Variants in IL6R observed in about 807,000 individuals in gnomAD.
The protein encoded by IL6R is interleukin 6 receptor.
In IL6R, 38 loss-of-function variants were observed where a neutral mutation model predicts 48.3. That is an observed-to-expected ratio of 0.79 (90% CI 0.61 to 1.03). The LOEUF (loss-of-function observed/expected upper bound fraction) is 1.03. IL6R is among the 50% of genes least tolerant of loss of function. The pLI is 0.00. For synonymous variants in IL6R, 264 were observed against 256.2 expected (o/e 1.03, Z -0.29); for missense variants, 534 against 618.3 (o/e 0.86, Z 1.45).
Position 154,430,526 on chromosome 1 carries a change from C to T in IL6R, c.378C>T (p.Pro126=). The change falls in exon 3 of 10, where the codon CCC becomes CCT. Residue 126 remains proline (P), a synonymous_variant. Coordinates refer to ENST00000368485, the MANE Select transcript of IL6R (RefSeq NM_000565.4). ...EPQLSCFRKS[P]LSNVVCEWGP... is the part of the protein sequence containing the mutation. ...AGCTCTCCTGCTTCCGGAAGAGCCC[C>T]CTCAGCAATGTTGTTTGTGAGTGGG... 6.2e-7 allele frequency: 1 copy of T among 1,614,038 alleles called. No homozygotes were observed. Among genetic ancestry groups the T allele is most frequent in the Non-Finnish European group, 8.5e-7 (1 of 1,179,942 alleles).
chr1:154,414,832 T>C lies in IL6R; in HGVS notation c.85+9118T>C, dbSNP rs191885808. ...CTTCTGGGACAGCAGGAAGAGGAGATTGAGGCCCAAGAGCTGGTGCATGTA... is the reference window on the plus strand; with the variant it reads ...CTTCTGGGACAGCAGGAAGAGGAGACTGAGGCCCAAGAGCTGGTGCATGTA... On this transcript the variant is annotated intron_variant, in intron 1 of 9. Coordinates refer to ENST00000368485, the MANE Select transcript of IL6R (RefSeq NM_000565.4). The C allele has an allele frequency of 2.0e-4, 153 of 754,520 alleles. No homozygotes were observed. In the African/African-American group the frequency reaches 2.2e-3, roughly 11 times the overall value. 46.7% of individuals were successfully genotyped at this position (754,520 alleles called of 1,614,324 possible). A position where few individuals can be genotyped will look rare whatever the true frequency, so the allele number is the denominator to read the frequency against.
rs1220388798 is a variant in IL6R at position 154,465,334 on chromosome 1, G to A, written c.1361G>A (p.Arg454Gln). 2 of 1,614,174 alleles carry A rather than the reference G, an allele frequency of 1.2e-6. No homozygotes were observed. Among genetic ancestry groups the A allele is most frequent in the African/African-American group, 1.3e-5 (1 of 75,036 alleles). ...AACCGACCAGATGCCAGGGACCCACGGAGCCCTTATGACATCAGCAATACA... is the reference window on the plus strand; with the variant it reads ...AACCGACCAGATGCCAGGGACCCACAGAGCCCTTATGACATCAGCAATACA... ...SHNRPDARDP[R>Q]SPYDISNTDY... The change falls in exon 10 of 10, where the codon CGG (arginine) becomes CAG (glutamine). Residue 454 changes from arginine to glutamine, a missense_variant. Transcript: ENST00000368485.
chr1:154,463,018 G>A (rs1691357515), intron 9 of IL6R, among the ~76,000 whole-genome samples: 1 of 151,358 alleles, frequency 6.6e-6, no homozygotes, highest in Non-Finnish European at 1.5e-5. Flanking sequence ...TGGCCAGGCT[G>A]GTCTTGAACT....
At chr1:154,458,464 C>A (rs753220783) in intron 9 of IL6R, among the ~76,000 whole-genome samples, 4 of 152,194 alleles carry the variant, frequency 2.6e-5, no homozygotes, top group Non-Finnish European at 5.9e-5. Flanking sequence ...CCTAGGTATA[C>A]CCTCCTGTGT....
intron 6 of IL6R, among the ~76,000 whole-genome samples, chr1:154,447,512 T>C (rs1184850543): frequency 4.9e-4 from 59 of 121,282 alleles, no homozygotes; most frequent in African/African-American, 2.0e-3. Flanking sequence ...CATATATATA[T>C]ACACACATAC....
At chr1:154,420,337 T>G (rs1464903877) in intron 1 of IL6R, among the ~76,000 whole-genome samples, 1 of 151,828 alleles carries the variant, frequency 6.6e-6, no homozygotes, top group Non-Finnish European at 1.5e-5. Context: ...CAGGTCACAG[T>G]CTGAATCCTC....
At chr1:154,432,723 A>T (rs1454661366) in intron 3 of IL6R, among the ~76,000 whole-genome samples, 2 of 152,218 alleles carry the variant, frequency 1.3e-5, no homozygotes, top group Non-Finnish European at 2.9e-5. Context: ...CCTCCCGAGC[A>T]GCCTCGTGCC....
intron 1 of IL6R, among the ~76,000 whole-genome samples, chr1:154,423,610 T>C (rs1688813399): frequency 6.6e-6 from 1 of 152,206 alleles, no homozygotes; most frequent in Admixed American, 6.5e-5. Flanking sequence ...TTGATCATTC[T>C]GCATACAGTG....
intron 7 of IL6R, among the ~76,000 whole-genome samples, chr1:154,449,348 C>T (rs780509169): frequency 6.6e-6 from 1 of 152,034 alleles, no homozygotes; most frequent in Non-Finnish European, 1.5e-5. Context: ...AACCCTTTCT[C>T]TACTGAAATA....
At chr1:154,424,763 A>T (rs1037523922) in intron 1 of IL6R, among the ~76,000 whole-genome samples, 3 of 152,162 alleles carry the variant, frequency 2.0e-5, no homozygotes, top group Non-Finnish European at 4.4e-5. Context: ...TTGGAGTTCA[A>T]CGCACTGGAC....
At chr1:154,425,155 T>G (rs1374726201) in intron 1 of IL6R, among the ~76,000 whole-genome samples, 1 of 152,184 alleles carries the variant, frequency 6.6e-6, no homozygotes, top group Non-Finnish European at 1.5e-5. Context: ...CCGGGCTGTC[T>G]GCTTGTGGAT....
In IL6R at chr1:154,424,193, C is replaced by T. The variant is rs572250627; in HGVS notation, c.86-5003C>T. On this transcript the variant is annotated intron_variant, in intron 1 of 9. Transcript: ENST00000368485. ...CCGTGCGCCTGGGAGTTTTTGGTGCCGAGACCCTGTCCCTGTGGGCACCCC... is the reference window on the plus strand; with the variant it reads ...CCGTGCGCCTGGGAGTTTTTGGTGCTGAGACCCTGTCCCTGTGGGCACCCC... Among the ~76,000 whole-genome samples, 10 of 152,254 alleles carry T rather than the reference C, an allele frequency of 6.6e-5. No homozygotes were observed. In the South Asian group the frequency reaches 1.2e-3, roughly 19 times the overall value.
At chr1:154,432,397 G>C (rs372672075) in intron 3 of IL6R, among the ~76,000 whole-genome samples, 2 of 144,572 alleles carry the variant, frequency 1.4e-5, no homozygotes, top group African/African-American at 5.2e-5. Context: ...TCGCTCTGTC[G>C]CCCAGGCTGG....
intron 1 of IL6R, among the ~76,000 whole-genome samples, chr1:154,426,861 G>A (rs887397545): frequency 3.9e-5 from 6 of 152,070 alleles, no homozygotes; most frequent in Admixed American, 1.3e-4. Context: ...AAGCCCTCTG[G>A]GCAGTAGCAG....
At chr1:154,429,973 A>C (rs1689194993) in intron 2 of IL6R, among the ~76,000 whole-genome samples, 1 of 152,008 alleles carries the variant, frequency 6.6e-6, no homozygotes, top group Admixed American at 6.6e-5. Flanking sequence ...CTAGATAAAG[A>C]CTTCCTGGAA....
At chr1:154,431,801 G>T (rs1204688256) in intron 3 of IL6R, among the ~76,000 whole-genome samples, 1 of 152,224 alleles carries the variant, frequency 6.6e-6, no homozygotes, top group Non-Finnish European at 1.5e-5. Context: ...GTCAGGACGA[G>T]TGATGGGTAG....
In IL6R at chr1:154,427,919, T is replaced by C. The variant is rs115949775; in HGVS notation, c.86-1277T>C. Among the ~76,000 whole-genome samples, 1,503 of 152,258 alleles carry C rather than the reference T, an allele frequency of 9.9e-3. 31 individuals are homozygous for C. Among genetic ancestry groups the C allele is most frequent in the African/African-American group, 0.034 (1,431 of 41,550 alleles). ...GTGCTGCTTCTGAGTCCCAGGAGCATGGGCGAGGAGGTGAGGTCAGGCACT... is the reference window on the plus strand; with the variant it reads ...GTGCTGCTTCTGAGTCCCAGGAGCACGGGCGAGGAGGTGAGGTCAGGCACT... On this transcript the variant is annotated intron_variant, in intron 1 of 9. Coordinates refer to ENST00000368485, the MANE Select transcript of IL6R (RefSeq NM_000565.4).
intron 6 of IL6R, among the ~76,000 whole-genome samples, chr1:154,445,828 C>G (rs1690194520): frequency 6.6e-6 from 1 of 151,972 alleles, no homozygotes; most frequent in African/African-American, 2.4e-5. Context: ...CTTCAAGGCT[C>G]CAGACGAAGC....
In IL6R at chr1:154,430,556, T is replaced by A. The variant is rs150254983; in HGVS notation, c.408T>A (p.Pro136=). The change falls in exon 3 of 10, where the codon CCT becomes CCA. Residue 136 remains proline, a synonymous_variant. Coordinates refer to ENST00000368485, the MANE Select transcript of IL6R (RefSeq NM_000565.4). ...GCAATGTTGTTTGTGAGTGGGGTCC[T>A]CGGAGCACCCCATCCCTGACGACAA... ...PLSNVVCEWG[P]RSTPSLTTKA... 1.5e-4 allele frequency: 243 copies of A among 1,614,168 alleles called. 1 individual carries two copies. In the African/African-American group the frequency reaches 2.8e-3, roughly 19 times the overall value.
Sources: allele counts gnomAD v4.1 joint callset (sites outside exome capture counted in the v4.1 genomes callset), GRCh38; gene constraint gnomAD v4.1.1; transcripts MANE v1.5; gene names NCBI Gene and HGNC (gene_info 2026-07-23, HGNC 2026-07-21).